The following CMIP variants were observed in gnomAD, a reference collection of about 807,000 sequenced individuals.
CMIP encodes the protein c-Maf inducing protein, also known as C-Maf-inducing protein.
In CMIP, 13 loss-of-function variants were observed where a neutral mutation model predicts 97.3. That is an observed-to-expected ratio of 0.13 (90% CI 0.09 to 0.21). CMIP has a LOEUF of 0.21. Among genes scored for constraint, CMIP ranks in the 10% least tolerant of loss-of-function variants. The probability of loss-of-function intolerance (pLI) is 1.00; values close to 1 mark genes in which losing one functional copy is unlikely to be tolerated. For synonymous variants in CMIP, 538 were observed against 436.3 expected, an observed-to-expected ratio of 1.23 and a Z score of -2.91; for missense variants, 847 against 1,024.9, an observed-to-expected ratio of 0.83 and a Z score of 2.37.
At chr16:81,592,875 C>T (rs1361858170) in intron 1 of CMIP, among the ~76,000 whole-genome samples, 2 of 152,166 alleles carry the variant, frequency 1.3e-5, no homozygotes, top group Non-Finnish European at 2.9e-5. Context: ...TGTGGGCCTT[C>T]CAAATGCATG....
rs575888120 is a variant in CMIP at position 81,573,125 on chromosome 16, C to G, written c.301-34442C>G. 2.6e-5 allele frequency among the ~76,000 whole-genome samples: 4 copies of G among 152,354 alleles called. No homozygotes were observed. In the East Asian group the frequency reaches 7.7e-4, roughly 29 times the overall value. Reference sequence around the variant, plus strand: ...TCGGGAGGCCGAGGCAGGTGGAACACTTGAGATCAGGAGTTGGAGACCAGG... The same window carrying G: ...TCGGGAGGCCGAGGCAGGTGGAACAGTTGAGATCAGGAGTTGGAGACCAGG... On this transcript the variant is annotated intron_variant, in intron 1 of 20. Coordinates refer to ENST00000537098, the MANE Select transcript of CMIP (RefSeq NM_198390.3).
chr16:81,468,355 G>A (rs1907329953), intron 1 of CMIP, among the ~76,000 whole-genome samples: 1 of 152,262 alleles, frequency 6.6e-6, no homozygotes, highest in South Asian at 2.1e-4. Context: ...TCAGAGAGAG[G>A]CCGGGGCTGG....
At chr16:81,457,245 G>C (rs907941037) in intron 1 of CMIP, among the ~76,000 whole-genome samples, 1 of 151,960 alleles carries the variant, frequency 6.6e-6, no homozygotes, top group African/African-American at 2.4e-5. Flanking sequence ...CCCCTGTGGC[G>C]CGGCACCACC....
At chr16:81,466,453 T>C (rs74497795) in intron 1 of CMIP, among the ~76,000 whole-genome samples, 2,403 of 152,304 alleles carry the variant, frequency 0.016, 53 homozygotes, top group African/African-American at 0.055. Context: ...ATCTTAGCTC[T>C]GCCACTTACT....
chr16:81,684,042 T>TGA (rs1905146515), intron 10 of CMIP, among the ~76,000 whole-genome samples: 1 of 152,206 alleles, frequency 6.6e-6, no homozygotes, highest in Non-Finnish European at 1.5e-5. Flanking sequence ...ATTACAGGCG[T>TGA]GAGCCACCAC....
chr16:81,664,752 C>A, intron 7 of CMIP: 1 of 380,402 alleles, frequency 2.6e-6, no homozygotes, highest in Admixed American at 4.5e-5. Flanking sequence ...AGTAGCCTTG[C>A]AGTGGAGAAA....
At chr16:81,458,921 C>T (rs116427402) in intron 1 of CMIP, among the ~76,000 whole-genome samples, 1 of 152,122 alleles carries the variant, frequency 6.6e-6, no homozygotes, top group Middle Eastern at 3.4e-3. Flanking sequence ...GGCATGTGCT[C>T]AACAGATGTT....
chr16:81,524,959 C>A (rs994604534), intron 1 of CMIP, among the ~76,000 whole-genome samples: 1 of 151,868 alleles, frequency 6.6e-6, no homozygotes, highest in Non-Finnish European at 1.5e-5. Context: ...TCATGCCTGG[C>A]TGATAATTGT....
intron 1 of CMIP, among the ~76,000 whole-genome samples, chr16:81,502,557 G>A (rs2089632734): frequency 6.6e-6 from 1 of 152,158 alleles, no homozygotes; most frequent in Admixed American, 6.5e-5. Context: ...CGTGCGCCAG[G>A]CATTTGGGCG....
intron 10 of CMIP, among the ~76,000 whole-genome samples, chr16:81,679,408 T>TC (rs907129694): frequency 6.6e-5 from 10 of 152,090 alleles, no homozygotes; most frequent in Non-Finnish European, 1.5e-4. Flanking sequence ...TCTGTATGTT[T>TC]GCAGGTATGT....
chr16:81,543,453 C>T (rs1323264551), intron 1 of CMIP, among the ~76,000 whole-genome samples: 1 of 152,208 alleles, frequency 6.6e-6, no homozygotes, highest in East Asian at 1.9e-4. Context: ...CCGCCCAGGG[C>T]TCCCTGCTGC....
chr16:81,535,398 G>A (rs1312734058), intron 1 of CMIP, among the ~76,000 whole-genome samples: 2 of 151,756 alleles, frequency 1.3e-5, no homozygotes, highest in African/African-American at 4.8e-5. Flanking sequence ...CTTCTCGTGG[G>A]CTGTGTCTCA....
Position 81,652,353 on chromosome 16 carries a change from C to G in CMIP, c.628C>G (p.Leu210Val), listed in dbSNP as rs374708953. ...NQAPLEIVSK[L>V]LSENTNLTTQ... ...GGCCCCACTGGAAATCGTCTCGAAA[C>G]TGCTCTCAGAGGTAAAACCCCTCCC... The change falls in exon 4 of 21, where the codon CTG becomes GTG. Residue 210 changes from leucine to valine, a missense_variant. Leu to Val is a conservative substitution (Grantham distance 32, BLOSUM62 1). Around this residue, in one of 4 missense-constraint regions of CMIP, gnomAD observed 285 missense variants for 392.2 expected, o/e 0.73. Coordinates refer to ENST00000537098, the MANE Select transcript of CMIP (RefSeq NM_198390.3). This position sits in a 1 kb window ranked among gnomAD's most constrained non-coding sequence, Gnocchi z 5.2. The G allele has an allele frequency of 1.2e-6, 2 of 1,613,434 alleles. No individual in the cohort carries two copies. Among genetic ancestry groups the G allele is most frequent in the East Asian group, 2.2e-5 (1 of 44,886 alleles).
chr16:81,476,145 G>T (rs945402009), intron 1 of CMIP: 2 of 1,041,896 alleles, frequency 1.9e-6, no homozygotes, highest in East Asian at 2.4e-5. Flanking sequence ...GAGACCACGT[G>T]CTTGCGTTCA....
At chr16:81,530,408 G>A (rs1401482663) in intron 1 of CMIP, among the ~76,000 whole-genome samples, 5 of 152,104 alleles carry the variant, frequency 3.3e-5, no homozygotes, top group African/African-American at 1.2e-4. Flanking sequence ...GGTGGGGTGT[G>A]TAGTGAGTAT....
chr16:81,678,890 G>A (rs149883223), intron 10 of CMIP, among the ~76,000 whole-genome samples: 4 of 152,378 alleles, frequency 2.6e-5, no homozygotes, highest in South Asian at 2.1e-4. Context: ...CATATGGTGT[G>A]TGTATATACA....
chr16:81,703,674 C>T (rs1273798947), intron 17 of CMIP, among the ~76,000 whole-genome samples: 1 of 152,066 alleles, frequency 6.6e-6, no homozygotes, highest in East Asian at 1.9e-4. Flanking sequence ...CCGCTGGTGC[C>T]TCAGGGTGTG....
chr16:81,619,654 A>T (rs899925599), intron 2 of CMIP: 4 of 152,206 alleles, frequency 2.6e-5, no homozygotes, highest in African/African-American at 9.7e-5. Flanking sequence ...GGGGTAGCCA[A>T]TGGGGAACTC....
Position 81,702,636 on chromosome 16 carries a change from G to A in CMIP, c.1911G>A (p.Gly637=). 1 of 1,613,592 alleles carries A rather than the reference G, an allele frequency of 6.2e-7. No individual in the cohort carries two copies. The highest frequency in any genetic ancestry group is 8.5e-7 in the Non-Finnish European group (1 of 1,179,712). Residue 637 remains glycine (G), a synonymous_variant, in exon 17 of 21, where the codon GGG becomes GGA. Coordinates refer to ENST00000537098, the MANE Select transcript of CMIP (RefSeq NM_198390.3). The part of the protein sequence containing the change: ...RELKELQRKG[G]PTRLTLPSKS... ...TTCTGTTGCAGCAAAGGAAAGGCGG[G>A]CCCACCAGGCTAACACTGCCCTCCA... is the stretch of plus-strand genomic sequence containing the variant.
Sources: gnomAD v4.1 joint callset for allele counts (sites outside exome capture counted in the v4.1 genomes callset) on GRCh38, gnomAD v4.1.1 for gene constraint, gnomAD v4.1.1 regional missense constraint, Gnocchi (gnomAD v3.1) non-coding constraint, MANE v1.5 for transcripts, NCBI Gene and HGNC (gene_info 2026-07-23, HGNC 2026-07-21) for gene names.